ACER3: variants seen among roughly 807,000 people sequenced by gnomAD.
ACER3 encodes the protein alkCDase 3.
A neutral mutation model predicts 48.9 loss-of-function variants in ACER3; 16 were observed. The ratio of observed to expected loss-of-function variants is 0.33; its 90% CI spans 0.22 to 0.50. The LOEUF (loss-of-function observed/expected upper bound fraction) is 0.50. Ranked by LOEUF, ACER3 falls within the 20% of genes least tolerant of loss-of-function variation. The pLI, the probability that ACER3 is intolerant of heterozygous loss-of-function variation, is 0.98. For synonymous variants in ACER3, 109 were observed against 107.8 expected (o/e 1.01, Z -0.07); for missense variants, 227 against 326.0 (o/e 0.70, Z 2.34).
At chr11:77,015,584 A>T (rs2135325537) in intron 8 of ACER3, among the ~76,000 whole-genome samples, 1 of 152,250 alleles carries the variant, frequency 6.6e-6, no homozygotes, top group East Asian at 1.9e-4. Flanking sequence ...AGGTCTCTGG[A>T]TTCTAGTCTG....
At chr11:76,872,609 G>T in intron 1 of ACER3, among the ~76,000 whole-genome samples, 1 of 152,166 alleles carries the variant, frequency 6.6e-6, no homozygotes, top group East Asian at 1.9e-4. Context: ...TAGTTTCTCA[G>T]TCTGGAAAAT....
chr11:76,867,468 CAA>C (rs1156610809), intron 1 of ACER3, among the ~76,000 whole-genome samples: 2 of 19,636 alleles, frequency 1.0e-4, no homozygotes, highest in Admixed American at 8.8e-4. Context: ...GACTCTGTCT[CAA>C]AAAAAAAAAA....
In ACER3 at chr11:76,875,107, C is replaced by CTTTTTTTTTTTT. The variant is rs10676364; in HGVS notation, c.103+14043_103+14054dup. On this transcript the variant is annotated intron_variant, in intron 1 of 10. Transcript: ENST00000532485. Reference sequence around the variant, plus strand: ...TTCTAACATGGCATGAAAAGCACTTCTTTTTTTTTTTTTTTTTTTTTTTTT... The same window carrying CTTTTTTTTTTTT: ...TTCTAACATGGCATGAAAAGCACTTCTTTTTTTTTTTTTTTTTTTTTTTTTTTTTTTTTTTTT... Among the ~76,000 whole-genome samples, 348 of 78,144 alleles carry CTTTTTTTTTTTT rather than the reference C, an allele frequency of 4.5e-3. 88 individuals are homozygous for CTTTTTTTTTTTT. Among genetic ancestry groups the CTTTTTTTTTTTT allele is most frequent in the East Asian group, 0.012 (21 of 1,784 alleles). 51.3% of individuals were successfully genotyped at this position (78,144 alleles called of 152,430 possible).
chr11:76,908,491 T>A (rs1946290697), intron 1 of ACER3, among the ~76,000 whole-genome samples: 1 of 152,072 alleles, frequency 6.6e-6, no homozygotes, highest in Non-Finnish European at 1.5e-5. Flanking sequence ...GGAACTCCCA[T>A]TCACAATTTC....
Position 76,948,211 on chromosome 11 carries a change from C to CTGTGTGTGTGTG in ACER3, c.215-10726_215-10715dup, listed in dbSNP as rs57302394. ...TGCTGTAGCTCCATTCTGGCTCACT[C>CTGTGTGTGTGTG]TGTGTGTGTGTGTGTGTGTGTGTGT... On this transcript the variant is annotated intron_variant, in intron 2 of 10. Coordinates refer to ENST00000532485, the MANE Select transcript of ACER3 (RefSeq NM_018367.7). 2.1e-4 allele frequency among the ~76,000 whole-genome samples: 29 copies of CTGTGTGTGTGTG among 135,760 alleles called. No homozygotes were observed. The East Asian group carries it at 2.5e-3, about 12-fold the overall frequency. 89.1% of individuals were successfully genotyped at this position (135,760 alleles called of 152,430 possible).
chr11:76,967,328 C>A (rs1591005595), intron 3 of ACER3, among the ~76,000 whole-genome samples: 1 of 152,146 alleles, frequency 6.6e-6, no homozygotes, highest in Non-Finnish European at 1.5e-5. Context: ...AGCTTACCAA[C>A]CAAAAAGAGT....
Position 76,897,515 on chromosome 11 carries a change from T to G in ACER3, c.104-29042T>G, listed in dbSNP as rs184463296. Among the ~76,000 whole-genome samples the G allele has an allele frequency of 2.2e-3, 332 of 152,268 alleles. 1 individual carries two copies. The highest frequency in any genetic ancestry group is 7.7e-3 in the African/African-American group (321 of 41,552). ...ATTGGTTCACTGTTGATGCAGATCT[T>G]CCAGGTGTTGAGATATTTCTTTATG... is the stretch of plus-strand genomic sequence containing the variant. On this transcript the variant is annotated intron_variant, in intron 1 of 10. Coordinates refer to ENST00000532485, the MANE Select transcript of ACER3 (RefSeq NM_018367.7).
At chr11:76,906,806 C>G (rs1458781353) in intron 1 of ACER3, among the ~76,000 whole-genome samples, 3 of 152,066 alleles carry the variant, frequency 2.0e-5, no homozygotes, top group African/African-American at 7.2e-5. Context: ...AGCAGTCCCC[C>G]CACCTTGGCC....
intron 7 of ACER3, among the ~76,000 whole-genome samples, chr11:77,006,044 C>T (rs1174518215): frequency 4.9e-5 from 6 of 123,324 alleles, no homozygotes; most frequent in Non-Finnish European, 8.8e-5. Context: ...GGCTGGAGTG[C>T]AGTGGCGCGA....
At chr11:76,925,308 A>G (rs917147171) in intron 1 of ACER3, among the ~76,000 whole-genome samples, 2 of 152,158 alleles carry the variant, frequency 1.3e-5, no homozygotes, top group African/African-American at 4.8e-5. Flanking sequence ...ATGGTTATTC[A>G]TTGCAGTATT....
At chr11:76,894,989 T>G (rs1945894208) in intron 1 of ACER3, among the ~76,000 whole-genome samples, 1 of 152,202 alleles carries the variant, frequency 6.6e-6, no homozygotes, top group Non-Finnish European at 1.5e-5. Flanking sequence ...GTATTTTATG[T>G]TGCAGTGGTC....
At chr11:76,974,457 T>C (rs1948385540) in intron 3 of ACER3, among the ~76,000 whole-genome samples, 1 of 152,160 alleles carries the variant, frequency 6.6e-6, no homozygotes, top group South Asian at 2.1e-4. Flanking sequence ...AAAAAATCTT[T>C]CAATTACTTT....
intron 2 of ACER3, among the ~76,000 whole-genome samples, chr11:76,934,963 T>C (rs1279720931): frequency 6.6e-6 from 1 of 152,196 alleles, no homozygotes; most frequent in Non-Finnish European, 1.5e-5. Context: ...TGTAATACAA[T>C]ACTCCTAACT....
chr11:76,906,484 T>A (rs1323494148), intron 1 of ACER3, among the ~76,000 whole-genome samples: 1 of 152,134 alleles, frequency 6.6e-6, no homozygotes, highest in Non-Finnish European at 1.5e-5. Context: ...CTCCAACCAA[T>A]CAGCAGCACC....
intron 7 of ACER3, among the ~76,000 whole-genome samples, chr11:77,005,036 CTTTTTTTT>C (rs57411582): frequency 8.9e-6 from 1 of 112,866 alleles, no homozygotes; most frequent in African/African-American, 3.1e-5. Context: ...TAAACTTTTT[CTTTTTTTT>C]TTTTTTTTTT....
intron 3 of ACER3, among the ~76,000 whole-genome samples, chr11:76,970,531 T>C (rs1271838719): frequency 2.6e-5 from 4 of 152,150 alleles, no homozygotes; most frequent in African/African-American, 9.7e-5. Flanking sequence ...CTAAATACAA[T>C]GTACATGTGT....
At chr11:76,953,935 G>A (rs949053941) in intron 2 of ACER3, among the ~76,000 whole-genome samples, 2 of 143,096 alleles carry the variant, frequency 1.4e-5, no homozygotes, top group South Asian at 2.2e-4. Context: ...TTTTAACATC[G>A]CTTTAAAAGT....
chr11:77,019,655 TACGTTTGTC>T, intron 9 of ACER3, 67 bp from the exon 10 acceptor site: 1 of 1,401,026 alleles, frequency 7.1e-7, no homozygotes, highest in South Asian at 1.2e-5. Flanking sequence ...GCACTATGGT[TACGTTTGTC>T]AGTACGCCAG....
In ACER3 at chr11:76,908,138, A is replaced by AG. The variant is rs557316422; in HGVS notation, c.104-18417dup. On this transcript the variant is annotated intron_variant, in intron 1 of 10. Transcript: ENST00000532485. ...GTAATCCCAGCTACTTGGGAGGCTG[A>AG]GGTAGGAGAATCACTTGAACCTGGG... Among the ~76,000 whole-genome samples the AG allele has an allele frequency of 2.5e-3, 381 of 152,138 alleles. 9 individuals are homozygous for AG. The highest frequency in any genetic ancestry group is 0.024 in the Admixed American group (370 of 15,274).
Sources: gnomAD v4.1 joint callset for allele counts (sites outside exome capture counted in the v4.1 genomes callset) on GRCh38, gnomAD v4.1.1 for gene constraint, MANE v1.5 for transcripts, NCBI Gene and HGNC (gene_info 2026-07-23, HGNC 2026-07-21) for gene names.